ZNF345: variants seen among roughly 807,000 people sequenced by gnomAD.
The protein encoded by ZNF345 is zinc finger protein HZF10.
For missense variants in ZNF345, 527 were observed against 589.9 expected (o/e 0.89, Z 1.10); for synonymous variants, 166 against 187.9 (o/e 0.88, Z 0.95).
rs569724573 is a variant in ZNF345 at position 36,888,490 on chromosome 19, C to T, written c.47-4328C>T. The T allele has an allele frequency of 3.3e-5, 5 of 152,312 alleles. No individual in the cohort carries two copies. In the East Asian group the frequency reaches 9.6e-4, roughly 29 times the overall value. The allele number at this position is 152,312 out of a possible 1,614,324, so 9.4% of individuals were successfully genotyped here. On this transcript the variant is annotated intron_variant, in intron 3 of 3. Coordinates refer to the ZNF345 transcript ENST00000526123. ...AAATTCTTGTGATCTTTCTACTCTG[C>T]ACTCTGAAATCCACAGTAACTTATT...
chr19:36,857,442 G>A (rs1324107159), intron 2 of ZNF345, among the ~76,000 whole-genome samples: 2 of 152,038 alleles, frequency 1.3e-5, no homozygotes, highest in Non-Finnish European at 2.9e-5. Context: ...GAGTAGCTGG[G>A]ACTACAGGCG....
At chr19:36,892,985 C>T (rs897155037) in exon 4 of ZNF345, 11 of 424,192 alleles carry the variant, frequency 2.6e-5, no homozygotes, top group Non-Finnish European at 3.3e-5. Flanking sequence ...ATGCACCATG[C>T]GTGAGATATT....
chr19:36,886,221 C>G (rs1209712369), intron 3 of ZNF345, among the ~76,000 whole-genome samples: 1 of 152,134 alleles, frequency 6.6e-6, no homozygotes, highest in Non-Finnish European at 1.5e-5. Context: ...AGATATTCTG[C>G]CTTCAGGAAA....
At chr19:36,852,469 G>T (rs2072301821) in intron 2 of ZNF345, among the ~76,000 whole-genome samples, 2 of 151,854 alleles carry the variant, frequency 1.3e-5, no homozygotes, top group African/African-American at 4.8e-5. Flanking sequence ...AAATTAGCTG[G>T]GCGTGGTGGC....
At chr19:36,876,732 A>AATCTC (rs2072888224) in intron 2 of ZNF345, 53 bp from the exon 3 acceptor site, 1 of 1,225,500 alleles carries the variant, frequency 8.2e-7, no homozygotes, top group Non-Finnish European at 1.1e-6. Context: ...ATAAACGTTT[A>AATCTC]ATCTCTCCCA....
At chr19:36,875,311 A>G (rs889125651) in intron 2 of ZNF345, among the ~76,000 whole-genome samples, 1 of 152,214 alleles carries the variant, frequency 6.6e-6, no homozygotes. Flanking sequence ...TATTTTAAAG[A>G]TACATCATTT....
chr19:36,856,082 A>G (rs486466), intron 2 of ZNF345, among the ~76,000 whole-genome samples: 38,031 of 152,142 alleles, frequency 0.25, 6,867 homozygotes, highest in African/African-American at 0.5. Context: ...CACAACACTT[A>G]ATACACATCA....
chr19:36,878,388 C>G lies in ZNF345; in HGVS notation c.*91C>G, dbSNP rs2072936167. The G allele has an allele frequency of 8.0e-7, 1 of 1,249,914 alleles. No homozygotes were observed. Among genetic ancestry groups the G allele is most frequent in the East Asian group, 2.4e-5 (1 of 42,240 alleles). The allele number at this position is 1,249,914 out of a possible 1,614,324, so 77.4% of individuals were successfully genotyped here. A position where few individuals can be genotyped will look rare whatever the true frequency, so the allele number is the denominator to read the frequency against. ...TACAAATAGAACTAAGGTACAAATG[C>G]CTTACTTATGCTTCACAGGTTAGTC... On this transcript the variant is annotated 3_prime_UTR_variant, in exon 3 of 3. Coordinates refer to ENST00000420450, the MANE Select transcript of ZNF345 (RefSeq NM_001242472.2).
chr19:36,892,860 C>T (rs1218222145), exon 4 of ZNF345: 5 of 1,143,956 alleles, frequency 4.4e-6, no homozygotes, highest in South Asian at 4.0e-5. Flanking sequence ...TGTGTCTCCT[C>T]GTCGTACAGC....
At chr19:36,859,954 T>TTTG in intron 2 of ZNF345, among the ~76,000 whole-genome samples, 1 of 152,018 alleles carries the variant, frequency 6.6e-6, no homozygotes, top group African/African-American at 2.4e-5. Flanking sequence ...TTGCAGATTT[T>TTTG]TTTGTTTGTT....
Position 36,878,365 on chromosome 19 carries a change from C to A in ZNF345, c.*68C>A. On this transcript the variant is annotated 3_prime_UTR_variant, in exon 3 of 3. Transcript: ENST00000420450. Reference sequence around the variant, plus strand: ...AAATTCATAGTGGTGAAAATCTCTACAAATAGAACTAAGGTACAAATGCCT... The same window carrying A: ...AAATTCATAGTGGTGAAAATCTCTAAAAATAGAACTAAGGTACAAATGCCT... The A allele has an allele frequency of 7.0e-7, 1 of 1,434,226 alleles. No homozygotes were observed. Among genetic ancestry groups the A allele is most frequent in the Non-Finnish European group, 9.4e-7 (1 of 1,064,924 alleles). The allele number at this position is 1,434,226 out of a possible 1,614,324, so 88.8% of individuals were successfully genotyped here.
chr19:36,881,592 A>G (rs535100986), downstream of ZNF345, among the ~76,000 whole-genome samples: 1 of 152,292 alleles, frequency 6.6e-6, no homozygotes, highest in South Asian at 2.1e-4. Flanking sequence ...TGCATTGGAA[A>G]GAGCAAAAGA....
rs1313995259 is a variant in ZNF345 at position 36,878,067 on chromosome 19, C to T, written c.1237C>T (p.Leu413Phe). 3 of 1,613,926 alleles carry T rather than the reference C, an allele frequency of 1.9e-6. No individual in the cohort carries two copies. The highest frequency in any genetic ancestry group is 1.3e-5 in the African/African-American group (1 of 74,892). The change falls in exon 3 of 3, where the codon CTT (leucine) becomes TTT (phenylalanine). Residue 413 changes from leucine to phenylalanine, a missense_variant. Leu to Phe is a conservative substitution (Grantham distance 22). Transcript: ENST00000420450. ...AAAGTCCTTTAGTAGTGGTTCAGCT[C>T]TTAATCGGCACCAGAGAATACACAC... ...CGKSFSSGSA[L>F]NRHQRIHTGE...
intron 2 of ZNF345, among the ~76,000 whole-genome samples, chr19:36,867,168 A>G (rs533181641): frequency 9.2e-5 from 14 of 152,194 alleles, no homozygotes; most frequent in Non-Finnish European, 1.9e-4. Context: ...ATCTTTACCA[A>G]CATTTGGAAT....
chr19:36,851,367 G>T (rs1427055744), intron 1 of ZNF345: 1 of 152,140 alleles, frequency 6.6e-6, no homozygotes, highest in African/African-American at 2.4e-5. Context: ...TGGAGGGTGC[G>T]TGTGAATTTG....
At chr19:36,887,347 G>A (rs368724188) in intron 3 of ZNF345, among the ~76,000 whole-genome samples, 1 of 147,402 alleles carries the variant, frequency 6.8e-6, no homozygotes, top group African/African-American at 2.5e-5. Context: ...TTGGAATAAA[G>A]TGTAAGCTTT....
chr19:36,876,965 G>A lies in ZNF345; in HGVS notation c.135G>A (p.Met45Ile), dbSNP rs764169739. ...FSEMIFTPED[M>I]PTFSIQHQRI... ...AAATGATATTTACTCCTGAAGACAT[G>A]CCCACTTTCAGTATCCAGCATCAGA... Residue 45 changes from methionine to isoleucine, a missense_variant, in exon 3 of 3, where the codon ATG becomes ATA. Transcript: ENST00000420450. 1 of 1,614,158 alleles carries A rather than the reference G, an allele frequency of 6.2e-7. No individual in the cohort carries two copies. The highest frequency in any genetic ancestry group is 8.5e-7 in the Non-Finnish European group (1 of 1,180,012).
chr19:36,870,257 T>G (rs2072746274), intron 2 of ZNF345, among the ~76,000 whole-genome samples: 1 of 152,250 alleles, frequency 6.6e-6, no homozygotes. Context: ...TTGTTTTCCA[T>G]TTAATTACTA....
chr19:36,891,656 G>A, intron 3 of ZNF345: 9 of 1,613,382 alleles, frequency 5.6e-6, no homozygotes, highest in Non-Finnish European at 7.6e-6. Flanking sequence ...CATTCATATG[G>A]TTTTTCATCT....
Sources: gnomAD v4.1 joint callset for allele counts (sites outside exome capture counted in the v4.1 genomes callset) on GRCh38, gnomAD v4.1.1 for gene constraint, MANE v1.5 for transcripts, NCBI Gene and HGNC (gene_info 2026-07-23, HGNC 2026-07-21) for gene names.